The following GRIK2 variants were observed in gnomAD, a reference collection of about 807,000 sequenced individuals.
GRIK2 encodes glutamate receptor ionotropic, kainate 2.
A neutral mutation model predicts 100.3 loss-of-function variants in GRIK2; 32 were observed. The observed-to-expected ratio is 0.32, with a 90% CI of 0.24 to 0.43. The LOEUF (loss-of-function observed/expected upper bound fraction) is 0.43, where lower values mean the gene tolerates loss of function less well. Among genes scored for constraint, GRIK2 ranks in the 20% least tolerant of loss-of-function variants. The probability of loss-of-function intolerance (pLI) is 1.00; values close to 1 mark genes in which losing one functional copy is unlikely to be tolerated. For missense variants in GRIK2, 843 were observed against 1,114.9 expected, an observed-to-expected ratio of 0.76 and a Z score of 3.47; for synonymous variants, 417 against 389.4, an observed-to-expected ratio of 1.07 and a Z score of -0.83.
chr6:101,772,191 G>A (rs1379643381), intron 7 of GRIK2, among the ~76,000 whole-genome samples: 1 of 152,058 alleles, frequency 6.6e-6, no homozygotes, highest in Admixed American at 6.6e-5. Flanking sequence ...CACCAGTCTG[G>A]GACCCCACAA....
intron 7 of GRIK2, among the ~76,000 whole-genome samples, chr6:101,788,262 G>A (rs1420792828): frequency 6.6e-6 from 1 of 151,302 alleles, no homozygotes; most frequent in Admixed American, 6.6e-5. Context: ...ACAATGTGCA[G>A]GTTAGTTACA....
At chr6:101,840,516 C>A (rs1391059466) in intron 10 of GRIK2, among the ~76,000 whole-genome samples, 5 of 152,184 alleles carry the variant, frequency 3.3e-5, no homozygotes, top group Non-Finnish European at 1.5e-5. Context: ...AAGTTACAGA[C>A]TTCTTCCTCT....
At chr6:101,701,487 G>T (rs555873424) in intron 7 of GRIK2, among the ~76,000 whole-genome samples, 1 of 152,030 alleles carries the variant, frequency 6.6e-6, no homozygotes, top group African/African-American at 2.4e-5. Flanking sequence ...GATTTCATTC[G>T]CAGCCTTCAA....
chr6:101,677,226 C>T (rs1339056987), intron 5 of GRIK2, among the ~76,000 whole-genome samples: 1 of 152,066 alleles, frequency 6.6e-6, no homozygotes, highest in Non-Finnish European at 1.5e-5. Context: ...TATATTTGAT[C>T]TTATTTCATC....
intron 7 of GRIK2, among the ~76,000 whole-genome samples, chr6:101,757,338 C>T (rs578113028): frequency 6.6e-6 from 1 of 152,056 alleles, no homozygotes; most frequent in South Asian, 2.1e-4. Context: ...AAGTTCAGTT[C>T]TTCATGGAAA....
intron 7 of GRIK2, among the ~76,000 whole-genome samples, chr6:101,757,421 A>G (rs1441373642): frequency 6.6e-6 from 1 of 152,212 alleles, no homozygotes; most frequent in African/African-American, 2.4e-5. Context: ...ACAATTATAC[A>G]TAGTGATAAT....
At chr6:101,679,872 G>T (rs559105883) in intron 5 of GRIK2, among the ~76,000 whole-genome samples, 2 of 152,028 alleles carry the variant, frequency 1.3e-5, no homozygotes, top group African/African-American at 4.8e-5. Context: ...CTGAGTAGCC[G>T]GTATTACAGG....
intron 10 of GRIK2, among the ~76,000 whole-genome samples, chr6:101,850,480 C>T (rs1168449245): frequency 6.6e-6 from 1 of 151,870 alleles, no homozygotes; most frequent in Non-Finnish European, 1.5e-5. Context: ...ACTGATATCT[C>T]AGGGTTAACA....
chr6:101,866,912 G>T (rs1316510012), intron 11 of GRIK2, among the ~76,000 whole-genome samples: 1 of 151,666 alleles, frequency 6.6e-6, no homozygotes, highest in Non-Finnish European at 1.5e-5. Flanking sequence ...GTGTGTGTGT[G>T]TGTGTGAATG....
chr6:101,564,489 C>T (rs1777160014), intron 2 of GRIK2, among the ~76,000 whole-genome samples: 1 of 152,126 alleles, frequency 6.6e-6, no homozygotes, highest in Admixed American at 6.5e-5. Flanking sequence ...GATGCCCAAC[C>T]TGAATTCAAG....
intron 7 of GRIK2, among the ~76,000 whole-genome samples, chr6:101,777,622 A>G (rs1053696953): frequency 6.6e-6 from 1 of 152,166 alleles, no homozygotes; most frequent in Non-Finnish European, 1.5e-5. Flanking sequence ...TTTAGTAAAA[A>G]GGTCAAGTCA....
intron 2 of GRIK2, among the ~76,000 whole-genome samples, chr6:101,411,439 A>G (rs1406971336): frequency 6.6e-6 from 1 of 152,104 alleles, no homozygotes; most frequent in African/African-American, 2.4e-5. Context: ...TTTAGTTAGC[A>G]TGTTACAAGT....
intron 10 of GRIK2, among the ~76,000 whole-genome samples, chr6:101,853,163 G>A (rs10080446): frequency 6.6e-6 from 1 of 152,086 alleles, no homozygotes; most frequent in African/African-American, 2.4e-5. Context: ...GGGAAAAGTA[G>A]GTATTGTGGA....
intron 14 of GRIK2, among the ~76,000 whole-genome samples, chr6:102,009,035 G>A (rs1304170274): frequency 6.6e-6 from 1 of 151,952 alleles, no homozygotes; most frequent in East Asian, 1.9e-4. Context: ...ATTGGTATAA[G>A]TTAATTGAAA....
chr6:102,005,466 T>G (rs910792687), intron 14 of GRIK2, among the ~76,000 whole-genome samples: 6 of 152,034 alleles, frequency 3.9e-5, no homozygotes, highest in Admixed American at 1.3e-4. Context: ...TAAGTGTGAT[T>G]CTTGGCCAAG....
At chr6:101,784,336 A>G (rs1280606304) in intron 7 of GRIK2, among the ~76,000 whole-genome samples, 2 of 152,214 alleles carry the variant, frequency 1.3e-5, no homozygotes, top group African/African-American at 4.8e-5. Flanking sequence ...TGCTGGGAAC[A>G]TTTACCCAAT....
chr6:101,902,816 C>CAGTAATTTCAGTAATATATTA lies in GRIK2; in HGVS notation c.1748+12953_1748+12954insAGTAATTTCAGTAATATATTA, dbSNP rs1481587718. 4.0e-5 allele frequency among the ~76,000 whole-genome samples: 6 copies of CAGTAATTTCAGTAATATATTA among 151,768 alleles called. No homozygotes were observed. In the East Asian group the frequency reaches 1.2e-3, roughly 29 times the overall value. ...ATATTATAAACATCAATTATTTTTA[C>CAGTAATTTCAGTAATATATTA]CTGAAAGTTCAGTAATAGCTTCAGG... On this transcript the variant is annotated intron_variant, in intron 12 of 16. Transcript: ENST00000369134.
At chr6:101,460,820 C>G (rs1194090681) in intron 2 of GRIK2, among the ~76,000 whole-genome samples, 1 of 152,092 alleles carries the variant, frequency 6.6e-6, no homozygotes, top group Non-Finnish European at 1.5e-5. Flanking sequence ...AGGACATTCA[C>G]AATCAGTCAT....
chr6:101,771,454 C>A (rs1353509917), intron 7 of GRIK2, among the ~76,000 whole-genome samples: 1 of 151,536 alleles, frequency 6.6e-6, no homozygotes, highest in Non-Finnish European at 1.5e-5. Context: ...CAGTTCTGGA[C>A]TCATTATTAA....
Sources: gnomAD v4.1 joint callset for allele counts (sites outside exome capture counted in the v4.1 genomes callset) on GRCh38, gnomAD v4.1.1 for gene constraint, MANE v1.5 for transcripts, NCBI Gene and HGNC (gene_info 2026-07-23, HGNC 2026-07-21) for gene names.